PPP1R3B: variants seen among roughly 807,000 people sequenced by gnomAD.
The protein encoded by PPP1R3B is PP1 subunit R4.
In PPP1R3B, 8 loss-of-function variants were observed where a neutral mutation model predicts 14.6. The observed-to-expected ratio is 0.55, with a 90% CI of 0.32 to 0.99. The LOEUF is 0.99. PPP1R3B is among the 50% of genes least tolerant of loss of function. The pLI is 0.04. For synonymous variants in PPP1R3B, 169 were observed against 142.0 expected (o/e 1.19, Z -1.35); for missense variants, 452 against 360.1 (o/e 1.26, Z -2.07).
At chr8:9,142,225 A>T (rs1343299951) in intron 1 of PPP1R3B, 1 of 152,732 alleles carries the variant, frequency 6.5e-6, no homozygotes, top group East Asian at 1.9e-4. Flanking sequence ...GCCTCCCAAG[A>T]AAGTGGGACC....
chr8:9,151,499 C>T (rs1018895965), upstream of PPP1R3B: 5 of 182,128 alleles, frequency 2.7e-5, no homozygotes, highest in African/African-American at 9.6e-5. Flanking sequence ...TGCACGAGAG[C>T]TGCGCGGTCA....
upstream of PPP1R3B, among the ~76,000 whole-genome samples, chr8:9,151,064 C>T (rs1339170167): frequency 2.0e-5 from 3 of 152,170 alleles, no homozygotes; most frequent in East Asian, 5.8e-4. Context: ...GATCAGCCGC[C>T]GCAGCCGCAG....
rs1415729321 is a variant in PPP1R3B, at chr8:9,140,243, C to T, written c.*551G>A. On this transcript the variant is annotated 3_prime_UTR_variant, in exon 2 of 2. Transcript: ENST00000310455. ...AACATGAACTTGCAGAAAACAAGAG[C>T]CAATCCCATTTCTCTTCTGCAGCTG... 1 of 158,260 alleles carries T rather than the reference C, an allele frequency of 6.3e-6. No homozygotes were observed. The highest frequency in any genetic ancestry group is 1.4e-5 in the Non-Finnish European group (1 of 71,070). The allele number at this position is 158,260 out of a possible 1,614,324, so 9.8% of individuals were successfully genotyped here.
chr8:9,148,232 C>T (rs746668217), intron 1 of PPP1R3B, among the ~76,000 whole-genome samples: 5 of 152,174 alleles, frequency 3.3e-5, no homozygotes, highest in Admixed American at 6.5e-5. Context: ...GGCACCTGGA[C>T]AGGTGCTTCT....
intron 1 of PPP1R3B, among the ~76,000 whole-genome samples, chr8:9,143,095 T>C (rs898275246): frequency 6.6e-6 from 1 of 152,208 alleles, no homozygotes; most frequent in African/African-American, 2.4e-5. Flanking sequence ...CTATTTTCCA[T>C]AATGGCTGTA....
At chr8:9,142,397 TATTA>T (rs532596646) in intron 1 of PPP1R3B, 1 of 152,320 alleles carries the variant, frequency 6.6e-6, no homozygotes, top group South Asian at 2.1e-4. Flanking sequence ...TGCCTCTCTT[TATTA>T]ATTGAGAAGT....
In PPP1R3B at chr8:9,141,380, T is replaced by A. The variant is rs770636746; in HGVS notation, c.272A>T (p.Asn91Ile). ...AATGTTGTCTAGGAGCTCGGTGATG[T>A]TGAATGGCATATCTAGCGGGTCATC... is the stretch of plus-strand genomic sequence containing the variant. The part of the protein sequence containing the change: ...EFDDPLDMPF[N>I]ITELLDNIVS... The change falls in exon 2 of 2, where the codon AAC (asparagine) becomes ATC (isoleucine). Residue 91 changes from asparagine to isoleucine, a missense_variant. By Grantham distance (149) the Asn-to-Ile change is moderately radical. Transcript: ENST00000310455. The A allele has an allele frequency of 2.5e-6, 4 of 1,614,244 alleles. No individual in the cohort carries two copies. Among genetic ancestry groups the A allele is most frequent in the Non-Finnish European group, 3.4e-6 (4 of 1,180,036 alleles).
At position 9,141,188 on chromosome 8, in the gene PPP1R3B, G is replaced by T; in HGVS notation, c.464C>A (p.Ala155Glu). Residue 155 changes from alanine to glutamate, a missense_variant, in exon 2 of 2, where the codon GCA (alanine) becomes GAA (glutamate). Physicochemically the swap from Ala to Glu is moderately radical, Grantham distance 107. Coordinates refer to ENST00000310455, the MANE Select transcript of PPP1R3B (RefSeq NM_024607.4). ...CCTTATTTTCACGGTCTTCTCAAAT[G>T]CGAGGTTCTGAACCTTCACAGTGCC... ...IAGTVKVQNL[A>E]FEKTVKIRMT... is the part of the protein sequence containing the mutation. 1 of 1,614,134 alleles carries T rather than the reference G, an allele frequency of 6.2e-7. No individual in the cohort carries two copies. The highest frequency in any genetic ancestry group is 1.6e-4 in the Middle Eastern group (1 of 6,062).
rs1020110612 is a variant in PPP1R3B at position 9,138,643 on chromosome 8, G to A, written c.*2151C>T. On this transcript the variant is annotated 3_prime_UTR_variant, in exon 2 of 2. Coordinates refer to ENST00000310455, the MANE Select transcript of PPP1R3B (RefSeq NM_024607.4). ...GGAAAATCCAAGCACAAGACTCTTA[G>A]CTTGAAAAGCCTGACAACTCTGCCT... is the stretch of plus-strand genomic sequence containing the variant. 6.6e-6 allele frequency: 1 copy of A among 152,182 alleles called. No homozygotes were observed. Among genetic ancestry groups the A allele is most frequent in the African/African-American group, 2.4e-5 (1 of 41,428 alleles). 9.4% of individuals were successfully genotyped at this position (152,182 alleles called of 1,614,324 possible).
chr8:9,151,077 C>T (rs1036150587), upstream of PPP1R3B, among the ~76,000 whole-genome samples: 2 of 152,154 alleles, frequency 1.3e-5, no homozygotes, highest in Non-Finnish European at 2.9e-5. Flanking sequence ...AGCCGCAGCT[C>T]CCGGGTCACG....
chr8:9,140,523 T>C lies in PPP1R3B; in HGVS notation c.*271A>G. ...TAGGCTTGATTCCCATCCATACCCTTTCCAGCACAGACGTGCACAGACTCT... is the reference window on the plus strand; with the variant it reads ...TAGGCTTGATTCCCATCCATACCCTCTCCAGCACAGACGTGCACAGACTCT... On this transcript the variant is annotated 3_prime_UTR_variant, in exon 2 of 2. Transcript: ENST00000310455. 2.0e-6 allele frequency: 1 copy of C among 503,426 alleles called. No individual in the cohort carries two copies. The highest frequency in any genetic ancestry group is 3.6e-6 in the Non-Finnish European group (1 of 280,278). The allele number at this position is 503,426 out of a possible 1,614,324, so 31.2% of individuals were successfully genotyped here.
chr8:9,150,365 A>C (rs986988909), intron 1 of PPP1R3B, among the ~76,000 whole-genome samples, 198 bp downstream of exon 1: 8 of 151,460 alleles, frequency 5.3e-5, no homozygotes, highest in South Asian at 4.2e-4. Flanking sequence ...ACCGGCCCCC[A>C]CTCCCTCTTT....
Position 9,141,137 on chromosome 8 carries a change from T to G in PPP1R3B, c.515A>C (p.Tyr172Ser), listed in dbSNP as rs762655512. ...IRMTFDTWKSYTDFPCQYVKD... is the reference protein window; with the variant it reads ...IRMTFDTWKSSTDFPCQYVKD... ...CACGTACTGACAAGGAAAGTCTGTGTAGCTCTTCCAGGTGTCGAACGTCAT... is the reference window on the plus strand; with the variant it reads ...CACGTACTGACAAGGAAAGTCTGTGGAGCTCTTCCAGGTGTCGAACGTCAT... The change falls in exon 2 of 2, where the codon TAC becomes TCC. Residue 172 changes from tyrosine to serine, a missense_variant. Tyr to Ser is a moderately radical substitution (Grantham distance 144). Transcript: ENST00000310455. The G allele has an allele frequency of 2.9e-5, 47 of 1,614,096 alleles. 1 individual carries two copies. The South Asian group carries it at 5.2e-4, about 18-fold the overall frequency.
At position 9,141,108 on chromosome 8, in the gene PPP1R3B, C is replaced by T. The variant is rs1305544373; in HGVS notation, c.544G>A (p.Asp182Asn). Residue 182 changes from aspartate (D) to asparagine (N), a missense_variant, in exon 2 of 2, where the codon GAC becomes AAC. Coordinates refer to ENST00000310455, the MANE Select transcript of PPP1R3B (RefSeq NM_024607.4). ...TCCCTGTCTGAACCGGCATAAGTGT[C>T]CTTCACGTACTGACAAGGAAAGTCT... is the stretch of plus-strand genomic sequence containing the variant. Reference protein sequence around the residue: ...YTDFPCQYVKDTYAGSDRDTF... With the variant: ...YTDFPCQYVKNTYAGSDRDTF... 3.7e-6 allele frequency: 6 copies of T among 1,613,932 alleles called. No homozygotes were observed. Among genetic ancestry groups the T allele is most frequent in the Non-Finnish European group, 5.1e-6 (6 of 1,180,032 alleles).
At chr8:9,141,844 G>A (rs1801102192) in intron 1 of PPP1R3B, 176 bp from the exon 2 acceptor site, 1 of 229,120 alleles carries the variant, frequency 4.4e-6, no homozygotes, top group African/African-American at 2.4e-5. Flanking sequence ...GCGTTTGAGA[G>A]AAGATTATGT....
In PPP1R3B at chr8:9,141,273, G is replaced by C; in HGVS notation, c.379C>G (p.Arg127Gly). ...AGGCAGACGTGGTCGGCCTGAAGTC[G>C]ATTTCTAAAGTCTAAGTAATCTGCA... ...PSADYLDFRN[R>G]LQADHVCLEN... Residue 127 changes from arginine (R) to glycine (G), a missense_variant, in exon 2 of 2, where the codon CGA becomes GGA. Transcript: ENST00000310455. The C allele has an allele frequency of 1.2e-6, 2 of 1,614,084 alleles. No homozygotes were observed. The highest frequency in any genetic ancestry group is 1.7e-6 in the Non-Finnish European group (2 of 1,180,022).
At chr8:9,146,813 G>A (rs972044172) in intron 1 of PPP1R3B, among the ~76,000 whole-genome samples, 9 of 151,982 alleles carry the variant, frequency 5.9e-5, no homozygotes, top group Non-Finnish European at 1.2e-4. Flanking sequence ...AATTAGGCAA[G>A]GTAGGTTTGC....
intron 1 of PPP1R3B, among the ~76,000 whole-genome samples, chr8:9,149,782 G>A (rs774287063): frequency 3.3e-5 from 5 of 152,184 alleles, no homozygotes; most frequent in Non-Finnish European, 5.9e-5. Context: ...CCTTGATCCT[G>A]TCCCCATCAT....
In PPP1R3B at chr8:9,140,690, T is replaced by C. The variant is rs1011639280; in HGVS notation, c.*104A>G. Reference sequence around the variant, plus strand: ...TTTTATTTTCCCAAACGGGGCCTCATGGAAGTTCCACGTTGCTCCTCCCTG... The same window carrying C: ...TTTTATTTTCCCAAACGGGGCCTCACGGAAGTTCCACGTTGCTCCTCCCTG... On this transcript the variant is annotated 3_prime_UTR_variant, in exon 2 of 2. Coordinates refer to ENST00000310455, the MANE Select transcript of PPP1R3B (RefSeq NM_024607.4). The C allele has an allele frequency of 8.1e-5, 101 of 1,242,426 alleles. 3 individuals are homozygous for C. The South Asian group carries it at 1.4e-3, about 17-fold the overall frequency. The allele number at this position is 1,242,426 out of a possible 1,614,324, so 77.0% of individuals were successfully genotyped here.
Sources: allele counts gnomAD v4.1 joint callset (sites outside exome capture counted in the v4.1 genomes callset), GRCh38; gene constraint gnomAD v4.1.1; transcripts MANE v1.5; gene names NCBI Gene and HGNC (gene_info 2026-07-23, HGNC 2026-07-21).